Variants in GRK3 observed in about 807,000 individuals in gnomAD.
The protein encoded by GRK3 is adrenergic, beta, receptor kinase 2.
Under a neutral mutation model 95.7 loss-of-function variants are expected in GRK3, and 54 were observed. The ratio of observed to expected loss-of-function variants is 0.56; its 90% CI spans 0.45 to 0.71. The LOEUF (loss-of-function observed/expected upper bound fraction) is 0.71, where lower values mean the gene tolerates loss of function less well. Ranked by LOEUF, GRK3 falls within the 30% of genes least tolerant of loss-of-function variation. The probability of loss-of-function intolerance (pLI) is 0.00; values close to 1 mark genes in which losing one functional copy is unlikely to be tolerated. For missense variants in GRK3, 649 were observed against 851.2 expected, an observed-to-expected ratio of 0.76 and a Z score of 2.96; for synonymous variants, 281 against 290.8, an observed-to-expected ratio of 0.97 and a Z score of 0.34.
In GRK3 at chr22:25,648,327, G is replaced by C. The variant is rs982258555; in HGVS notation, c.264+3662G>C. 3 of 1,212,900 alleles carry C rather than the reference G, an allele frequency of 2.5e-6. No homozygotes were observed. The African/African-American group carries it at 4.5e-5, about 18-fold the overall frequency. 75.1% of individuals were successfully genotyped at this position (1,212,900 alleles called of 1,614,324 possible). A position where few individuals can be genotyped will look rare whatever the true frequency, so the allele number is the denominator to read the frequency against. ...GCAGAAATTGGCAAAACACTACACA[G>C]AACATGCTGATGGTTTATGCCACAA... On this transcript the variant is annotated intron_variant, in intron 3 of 20. Coordinates refer to ENST00000324198, the MANE Select transcript of GRK3 (RefSeq NM_005160.4).
chr22:25,717,253 G>A (rs2085393943), intron 18 of GRK3, among the ~76,000 whole-genome samples: 4 of 152,058 alleles, frequency 2.6e-5, no homozygotes, highest in Admixed American at 2.6e-4. Flanking sequence ...CTGGGGTCCT[G>A]GAACCTACCC....
intron 14 of GRK3, 60 bp from the exon 15 acceptor site, chr22:25,704,049 T>G: frequency 4.0e-6 from 5 of 1,252,720 alleles, no homozygotes; most frequent in Non-Finnish European, 4.7e-6. Flanking sequence ...TAAGTCTGGT[T>G]GAGTGTTAGG....
intron 2 of GRK3, among the ~76,000 whole-genome samples, chr22:25,613,791 C>A (rs900653265): frequency 6.6e-6 from 1 of 152,192 alleles, no homozygotes; most frequent in Non-Finnish European, 1.5e-5. Flanking sequence ...CGCCACATGC[C>A]CCCGCAGTGC....
rs1601500484 is a variant in GRK3 at position 25,649,061 on chromosome 22, G to T, written c.264+4396G>T. ...ACCATGAAATACTGGAACAGGTGGA[G>T]CGAGGATACAGGATGCCTTGCCCTC... is the stretch of plus-strand genomic sequence containing the variant. On this transcript the variant is annotated intron_variant, in intron 3 of 20. Coordinates refer to ENST00000324198, the MANE Select transcript of GRK3 (RefSeq NM_005160.4). The T allele has an allele frequency of 4.0e-6, 6 of 1,502,410 alleles. No individual in the cohort carries two copies. The East Asian group carries it at 1.4e-4, about 34-fold the overall frequency. The allele number at this position is 1,502,410 out of a possible 1,614,324, so 93.1% of individuals were successfully genotyped here. A position where few individuals can be genotyped will look rare whatever the true frequency, so the allele number is the denominator to read the frequency against.
intron 3 of GRK3, among the ~76,000 whole-genome samples, chr22:25,659,010 CTAGAGATCCAGACTTAGTCATCAGA>C (rs1233550896): frequency 6.6e-6 from 1 of 151,986 alleles, no homozygotes; most frequent in East Asian, 1.9e-4. Context: ...CTCAGGAGTC[CTAGAGATCCAGACTTAGTCATCAGA>C]ATATAATTGA....
At chr22:25,686,458 T>C (rs1012218202) in intron 10 of GRK3, among the ~76,000 whole-genome samples, 1 of 152,114 alleles carries the variant, frequency 6.6e-6, no homozygotes, top group Non-Finnish European at 1.5e-5. Context: ...GTAGGGGAGC[T>C]TTTGGGATGC....
At chr22:25,620,019 T>C (rs4049393) in intron 2 of GRK3, among the ~76,000 whole-genome samples, 1 of 136,068 alleles carries the variant, frequency 7.3e-6, no homozygotes, top group Admixed American at 7.2e-5. Context: ...TGTGTGTGTG[T>C]GTGTGTGTGT....
Position 25,722,587 on chromosome 22 carries a change from T to C in GRK3, c.*137T>C. ...CGAGAGGAGTCGGGACCCTTCGGCT[T>C]GGGGTCAGCTCAGCTCCCTGCCTTG... On this transcript the variant is annotated 3_prime_UTR_variant, in exon 21 of 21. Coordinates refer to ENST00000324198, the MANE Select transcript of GRK3 (RefSeq NM_005160.4). 1 of 796,950 alleles carries C rather than the reference T, an allele frequency of 1.3e-6. No individual in the cohort carries two copies. Among genetic ancestry groups the C allele is most frequent in the Non-Finnish European group, 1.9e-6 (1 of 515,658 alleles). The allele number at this position is 796,950 out of a possible 1,614,324, so 49.4% of individuals were successfully genotyped here.
At chr22:25,611,100 C>T (rs1274625352) in intron 2 of GRK3, among the ~76,000 whole-genome samples, 1 of 152,070 alleles carries the variant, frequency 6.6e-6, no homozygotes, top group Non-Finnish European at 1.5e-5. Flanking sequence ...GACCTCAAGC[C>T]ATCTACTCAC....
chr22:25,625,564 T>C (rs548576805), intron 2 of GRK3, among the ~76,000 whole-genome samples: 2 of 152,276 alleles, frequency 1.3e-5, no homozygotes, highest in Non-Finnish European at 2.9e-5. Flanking sequence ...GGAGTCTCCC[T>C]TCCCCCGGGG....
At chr22:25,647,751 G>A (rs1046445810) in intron 3 of GRK3, 22 of 1,102,900 alleles carry the variant, frequency 2.0e-5, no homozygotes, top group Non-Finnish European at 2.9e-5. Flanking sequence ...TTGGCAAAAT[G>A]GGGAGAAAAG....
intron 2 of GRK3, among the ~76,000 whole-genome samples, chr22:25,623,632 A>G (rs866530495): frequency 4.6e-5 from 7 of 152,180 alleles, no homozygotes; most frequent in Non-Finnish European, 7.3e-5. Context: ...AAACCTACAC[A>G]CCTGTATTCA....
chr22:25,695,519 A>G (rs2085200482), intron 13 of GRK3, among the ~76,000 whole-genome samples: 1 of 152,198 alleles, frequency 6.6e-6, no homozygotes, highest in Non-Finnish European at 1.5e-5. Flanking sequence ...AGGAATAAGT[A>G]TTGTTTTGAA....
chr22:25,619,650 GTTTTTTTTTTTTT>G (rs536273282), intron 2 of GRK3, among the ~76,000 whole-genome samples: 3 of 107,926 alleles, frequency 2.8e-5, no homozygotes, highest in African/African-American at 1.1e-4. Flanking sequence ...TACCTGGCTA[GTTTTTTTTTTTTT>G]TTTTTTTTTT....
intron 2 of GRK3, among the ~76,000 whole-genome samples, chr22:25,614,188 T>C (rs1475515255): frequency 2.0e-5 from 3 of 152,154 alleles, no homozygotes; most frequent in Non-Finnish European, 4.4e-5. Context: ...AATGCAGTGG[T>C]ACACTCTCAG....
intron 1 of GRK3, among the ~76,000 whole-genome samples, chr22:25,597,810 G>C (rs1283664902): frequency 6.6e-6 from 1 of 152,176 alleles, no homozygotes; most frequent in African/African-American, 2.4e-5. Context: ...GAAGACAGTG[G>C]AGTGACATCA....
chr22:25,702,568 A>G (rs561385634), intron 13 of GRK3, among the ~76,000 whole-genome samples: 1 of 152,292 alleles, frequency 6.6e-6, no homozygotes, highest in South Asian at 2.1e-4. Context: ...TTTAGTTTGC[A>G]TATTTAATAG....
At position 25,687,994 on chromosome 22, in the gene GRK3, T is replaced by A. The variant is rs1002796034; in HGVS notation, c.957+327T>A. Among the ~76,000 whole-genome samples, 15 of 152,250 alleles carry A rather than the reference T, an allele frequency of 9.9e-5. 1 individual carries two copies. The highest frequency in any genetic ancestry group is 6.8e-3 in the Middle Eastern group (2 of 294). On this transcript the variant is annotated intron_variant, in intron 11 of 20. Transcript: ENST00000324198. ...GCTCATGCCTGTAATCCCAGCACTTTGGGAGGCCAAGGAGGGCGGATCACA... is the reference window on the plus strand; with the variant it reads ...GCTCATGCCTGTAATCCCAGCACTTAGGGAGGCCAAGGAGGGCGGATCACA...
At chr22:25,657,286 G>A (rs2084878887) in intron 3 of GRK3, among the ~76,000 whole-genome samples, 2 of 152,076 alleles carry the variant, frequency 1.3e-5, no homozygotes, top group East Asian at 1.9e-4. Flanking sequence ...TGAGAAAAGG[G>A]TGTTAAAATT....
Sources: allele counts gnomAD v4.1 joint callset (sites outside exome capture counted in the v4.1 genomes callset), GRCh38; gene constraint gnomAD v4.1.1; transcripts MANE v1.5; gene names NCBI Gene and HGNC (gene_info 2026-07-23, HGNC 2026-07-21).